The following DENND1B variants were observed in gnomAD, a reference collection of about 807,000 sequenced individuals.
DENND1B encodes DENN domain containing 1B.
A neutral mutation model predicts 90.1 loss-of-function variants in DENND1B; 59 were observed. The observed-to-expected ratio is 0.65, with a 90% CI of 0.53 to 0.81. The LOEUF is 0.81. DENND1B is among the 40% of genes least tolerant of loss of function. The pLI, the probability that DENND1B is intolerant of heterozygous loss-of-function variation, is 0.00. For missense variants in DENND1B, 862 were observed against 912.6 expected, an observed-to-expected ratio of 0.94 and a Z score of 0.71; for synonymous variants, 337 against 324.6, an observed-to-expected ratio of 1.04 and a Z score of -0.41.
intron 3 of DENND1B, among the ~76,000 whole-genome samples, chr1:197,698,638 T>G (rs758199383): frequency 2.0e-5 from 3 of 151,934 alleles, no homozygotes; most frequent in Non-Finnish European, 2.9e-5. Context: ...GAAGCTGTTT[T>G]TTTCTTTAAA....
At chr1:197,672,243 A>AC in intron 4 of DENND1B, 87 bp from the exon 5 acceptor site, 1 of 1,423,328 alleles carries the variant, frequency 7.0e-7, no homozygotes, top group African/African-American at 1.4e-5. Flanking sequence ...TTTATATGTG[A>AC]CATTGGTTTC....
intron 2 of DENND1B, among the ~76,000 whole-genome samples, chr1:197,770,664 ATATATCTATAAATATACATATC>A (rs1656357892): frequency 6.9e-6 from 1 of 144,958 alleles, no homozygotes; most frequent in African/African-American, 2.5e-5. Context: ...ATCTATAAAT[ATATATCTATAAATATACATATC>A]TATAAATATA....
At chr1:197,556,013 C>T (rs1374919889) in intron 15 of DENND1B, among the ~76,000 whole-genome samples, 1 of 152,066 alleles carries the variant, frequency 6.6e-6, no homozygotes, top group Admixed American at 6.6e-5. Flanking sequence ...CCATGGAATA[C>T]TTTGCAGCCA....
rs541012876 is a variant in DENND1B, at chr1:197,566,310, G to T, written c.1150-13198C>A. On this transcript the variant is annotated intron_variant, in intron 15 of 22. Transcript: ENST00000620048. Reference sequence around the variant, plus strand: ...CTTCTTTTGAGAAGTGTCTGTTCATGTCCTTTGCCCACTTTTTGATGGGGT... The same window carrying T: ...CTTCTTTTGAGAAGTGTCTGTTCATTTCCTTTGCCCACTTTTTGATGGGGT... Among the ~76,000 whole-genome samples the T allele has an allele frequency of 1.7e-4, 26 of 152,040 alleles. 1 individual carries two copies. In the South Asian group the frequency reaches 5.4e-3, roughly 32 times the overall value.
At chr1:197,742,140 T>C (rs1663272315) in intron 2 of DENND1B, among the ~76,000 whole-genome samples, 1 of 152,188 alleles carries the variant, frequency 6.6e-6, no homozygotes, top group African/African-American at 2.4e-5. Context: ...ATCTAATTTC[T>C]TTAGTAATTT....
chr1:197,691,193 T>C (rs1442086044), intron 3 of DENND1B, among the ~76,000 whole-genome samples: 1 of 151,588 alleles, frequency 6.6e-6, no homozygotes, highest in Non-Finnish European at 1.5e-5. Flanking sequence ...AAGAAAATAT[T>C]TGCAAACCAT....
chr1:197,743,046 T>C (rs1663362676), intron 2 of DENND1B, among the ~76,000 whole-genome samples: 1 of 152,202 alleles, frequency 6.6e-6, no homozygotes, highest in Admixed American at 6.5e-5. Flanking sequence ...AGAGCCCAGA[T>C]AGATGACTGG....
chr1:197,575,874 C>A (rs1238898675), intron 15 of DENND1B, among the ~76,000 whole-genome samples: 1 of 152,092 alleles, frequency 6.6e-6, no homozygotes, highest in East Asian at 1.9e-4. Flanking sequence ...TAGGTAGGAA[C>A]TGAACAATGA....
At chr1:197,635,022 AGGAAGGAAGGAAGGAAG>A (rs1679655367) in intron 10 of DENND1B, among the ~76,000 whole-genome samples, 1 of 151,316 alleles carries the variant, frequency 6.6e-6, no homozygotes, top group African/African-American at 2.5e-5. Flanking sequence ...CAAGGAAGGA[AGGAAGGAAGGAAGGAAG>A]GGAAGGAAGG....
intron 16 of DENND1B, among the ~76,000 whole-genome samples, chr1:197,550,929 T>A (rs976456775): frequency 6.6e-6 from 1 of 152,036 alleles, no homozygotes; most frequent in African/African-American, 2.4e-5. Flanking sequence ...AATTATTATA[T>A]TACTATTATT....
chr1:197,553,253 G>GC, intron 15 of DENND1B, 141 bp from the exon 16 acceptor site: 1 of 616,886 alleles, frequency 1.6e-6, no homozygotes, highest in Non-Finnish European at 2.6e-6. Flanking sequence ...CACATATATG[G>GC]TGTATATATA....
chr1:197,537,750 C>T (rs899505911), intron 20 of DENND1B, among the ~76,000 whole-genome samples: 5 of 151,752 alleles, frequency 3.3e-5, no homozygotes, highest in African/African-American at 9.7e-5. Context: ...TTTTTAATTA[C>T]ATTATCATAA....
At chr1:197,685,459 ACTT>A (rs1657135884) in intron 3 of DENND1B, among the ~76,000 whole-genome samples, 2 of 152,194 alleles carry the variant, frequency 1.3e-5, no homozygotes, top group African/African-American at 4.8e-5. Context: ...GGAACTAAGT[ACTT>A]AGCAAGTAAA....
At chr1:197,768,086 G>T (rs758065393) in intron 2 of DENND1B, among the ~76,000 whole-genome samples, 1 of 152,010 alleles carries the variant, frequency 6.6e-6, no homozygotes, top group Non-Finnish European at 1.5e-5. Context: ...CCAGAATTTT[G>T]CCCAGCACAG....
At chr1:197,750,308 G>A (rs184355078) in intron 2 of DENND1B, among the ~76,000 whole-genome samples, 2 of 151,944 alleles carry the variant, frequency 1.3e-5, no homozygotes, top group East Asian at 3.9e-4. Context: ...TAATCATCAA[G>A]TACAATGTAA....
chr1:197,534,319 T>C (rs1669723257), intron 20 of DENND1B, among the ~76,000 whole-genome samples: 1 of 152,196 alleles, frequency 6.6e-6, no homozygotes, highest in Admixed American at 6.5e-5. Context: ...GAGAGAGGTA[T>C]TAATGAGACT....
intron 3 of DENND1B, 76 bp from the exon 4 acceptor site, chr1:197,674,245 C>A: frequency 9.4e-7 from 1 of 1,069,376 alleles, no homozygotes; most frequent in Non-Finnish European, 1.4e-6. Flanking sequence ...TTCTTTGAGA[C>A]ATTTTCTAGG....
intron 15 of DENND1B, among the ~76,000 whole-genome samples, chr1:197,555,996 A>G (rs1405368700): frequency 6.6e-6 from 1 of 152,142 alleles, no homozygotes; most frequent in East Asian, 1.9e-4. Flanking sequence ...AATGTGGTAC[A>G]TATACACCAT....
rs535840862 is a variant in DENND1B, at chr1:197,550,286, G to A, written c.1240+2736C>T. Among the ~76,000 whole-genome samples, 4 of 152,144 alleles carry A rather than the reference G, an allele frequency of 2.6e-5. No individual in the cohort carries two copies. The South Asian group carries it at 8.3e-4, about 32-fold the overall frequency. The stretch of plus-strand genomic sequence containing the variant: ...TGTTTACTGAATGTTTTTGCATTAA[G>A]AAAATCTACTATAAAAAACAGTATA... On this transcript the variant is annotated intron_variant, in intron 16 of 22. Coordinates refer to ENST00000620048, the MANE Select transcript of DENND1B (RefSeq NM_001195215.2).
Sources: allele counts gnomAD v4.1 joint callset (sites outside exome capture counted in the v4.1 genomes callset), GRCh38; gene constraint gnomAD v4.1.1; transcripts MANE v1.5; gene names NCBI Gene and HGNC (gene_info 2026-07-23, HGNC 2026-07-21).